The following CELF2 variants were observed in gnomAD, a reference collection of about 807,000 sequenced individuals.
CELF2 encodes CUG triplet repeat RNA-binding protein 2.
In CELF2, 8 loss-of-function variants were observed where a neutral mutation model predicts 62.6. That is an observed-to-expected ratio of 0.13 (90% CI 0.07 to 0.23). The LOEUF is 0.23. Ranked by LOEUF, CELF2 falls within the 10% of genes least tolerant of loss-of-function variation. The pLI is 1.00. For synonymous variants in CELF2, 258 were observed against 250.0 expected, an observed-to-expected ratio of 1.03 and a Z score of -0.30; for missense variants, 333 against 671.0, an observed-to-expected ratio of 0.50 and a Z score of 5.56.
the CELF2 span, among the ~76,000 whole-genome samples, chr10:10,731,818 T>A: frequency 6.6e-6 from 1 of 151,938 alleles, no homozygotes; most frequent in Admixed American, 6.6e-5. Flanking sequence ...ATTGAGAGGG[T>A]CCATAGCAAA....
intron 8 of CELF2, among the ~76,000 whole-genome samples, chr10:11,277,401 C>T (rs1442968083): frequency 1.3e-5 from 2 of 152,186 alleles, no homozygotes; most frequent in Non-Finnish European, 2.9e-5. Flanking sequence ...TCCCCAGAGC[C>T]CTTTCCTCCC....
the CELF2 span, among the ~76,000 whole-genome samples, chr10:10,481,132 G>A: frequency 1.6e-4 from 25 of 152,124 alleles, no homozygotes; most frequent in East Asian, 3.3e-3. Flanking sequence ...GTTCTTCCCC[G>A]CTCCTTCTTA....
In CELF2 at chr10:11,211,146, C is replaced by A. The variant is rs1403472166; in HGVS notation, c.272-6279C>A. On this transcript the variant is annotated intron_variant, in intron 2 of 12. Coordinates refer to ENST00000633077, the MANE Select transcript of CELF2 (RefSeq NM_001326342.2). The surrounding 1 kb of genome is among the most constrained non-coding windows in gnomAD (Gnocchi z 4.8). The stretch of plus-strand genomic sequence containing the variant: ...TTTAAAAATTAGCCTGGTGTAGTGG[C>A]ACATGCCTGCAGTCCTGGATACTCA... Among the ~76,000 whole-genome samples the A allele has an allele frequency of 6.6e-6, 1 of 152,084 alleles. No homozygotes were observed. Among genetic ancestry groups the A allele is most frequent in the African/African-American group, 2.4e-5 (1 of 41,418 alleles).
At chr10:10,578,464 A>G in the CELF2 span, among the ~76,000 whole-genome samples, 1 of 152,104 alleles carries the variant, frequency 6.6e-6, no homozygotes, top group South Asian at 2.1e-4. Context: ...GGTGTTGCTT[A>G]GGTTTTCTTC....
chr10:11,279,235 G>A (rs1234393566), intron 8 of CELF2, among the ~76,000 whole-genome samples: 2 of 152,196 alleles, frequency 1.3e-5, no homozygotes, highest in South Asian at 2.1e-4. Flanking sequence ...TCTGAGTAAA[G>A]CAAGTAGTAA....
chr10:10,875,802 A>G (rs1259991301), intron 1 of CELF2, among the ~76,000 whole-genome samples: 1 of 152,188 alleles, frequency 6.6e-6, no homozygotes, highest in Non-Finnish European at 1.5e-5. Context: ...CTCTCCATAC[A>G]TCTCTTCCCT....
At position 11,227,685 on chromosome 10, in the gene CELF2, C is replaced by A. The variant is rs2067100933; in HGVS notation, c.354+10178C>A. On this transcript the variant is annotated intron_variant, in intron 3 of 12. Coordinates refer to ENST00000633077, the MANE Select transcript of CELF2 (RefSeq NM_001326342.2). This position sits in a 1 kb window ranked among gnomAD's most constrained non-coding sequence, Gnocchi z 4.8. Reference sequence around the variant, plus strand: ...GCTCAGGCTACCTCTATCTTAGTTACAACAGTCAGAGCTCATGATGTCATG... The same window carrying A: ...GCTCAGGCTACCTCTATCTTAGTTAAAACAGTCAGAGCTCATGATGTCATG... Among the ~76,000 whole-genome samples the A allele has an allele frequency of 6.6e-6, 1 of 152,186 alleles. No homozygotes were observed. The highest frequency in any genetic ancestry group is 2.4e-5 in the African/African-American group (1 of 41,444).
chr10:10,501,639 A>T, the CELF2 span, among the ~76,000 whole-genome samples: 1 of 152,130 alleles, frequency 6.6e-6, no homozygotes, highest in Non-Finnish European at 1.5e-5. Context: ...TTATATATTT[A>T]TCTTGTATCC....
the CELF2 span, among the ~76,000 whole-genome samples, chr10:10,505,292 A>G: frequency 1.3e-5 from 2 of 151,920 alleles, no homozygotes; most frequent in Non-Finnish European, 2.9e-5. Context: ...TCTTTAACAC[A>G]TAAGTTGGGG....
chr10:10,633,550 G>A, the CELF2 span, among the ~76,000 whole-genome samples: 2 of 152,004 alleles, frequency 1.3e-5, no homozygotes, highest in Admixed American at 6.6e-5. Flanking sequence ...GACATGAGTT[G>A]CAAATATTCT....
chr10:10,504,055 A>G, the CELF2 span, among the ~76,000 whole-genome samples: 1 of 152,056 alleles, frequency 6.6e-6, no homozygotes, highest in Non-Finnish European at 1.5e-5. Context: ...TAATTGTCTT[A>G]AATATTTTTC....
the CELF2 span, among the ~76,000 whole-genome samples, chr10:10,665,961 C>A: frequency 6.6e-6 from 1 of 152,174 alleles, no homozygotes; most frequent in Non-Finnish European, 1.5e-5. Flanking sequence ...TTTCACCCAC[C>A]GTGCCAAGGC....
Position 11,246,838 on chromosome 10 carries a change from C to T in CELF2, c.355-2315C>T, listed in dbSNP as rs1413174432. On this transcript the variant is annotated intron_variant, in intron 3 of 12. Coordinates refer to ENST00000633077, the MANE Select transcript of CELF2 (RefSeq NM_001326342.2). The surrounding 1 kb of genome is among the most constrained non-coding windows in gnomAD (Gnocchi z 4.6). ...AGGAACATTCTCTGTGGCCCTGGCC[C>T]GTCTCTCGAGCCTGAGCCCCATGAT... Among the ~76,000 whole-genome samples the T allele has an allele frequency of 4.6e-5, 7 of 152,234 alleles. No homozygotes were observed. The highest frequency in any genetic ancestry group is 7.2e-5 in the African/African-American group (3 of 41,460).
At chr10:10,540,499 G>T in the CELF2 span, among the ~76,000 whole-genome samples, 1 of 152,160 alleles carries the variant, frequency 6.6e-6, no homozygotes, top group Non-Finnish European at 1.5e-5. Flanking sequence ...GAGCAAGCAG[G>T]CTTTTTTAAT....
At chr10:11,113,587 C>T (rs1028315399) in intron 1 of CELF2, among the ~76,000 whole-genome samples, 2 of 152,154 alleles carry the variant, frequency 1.3e-5, no homozygotes, top group African/African-American at 2.4e-5. Flanking sequence ...TTTAAATATA[C>T]GTGGGATACT....
intron 1 of CELF2, among the ~76,000 whole-genome samples, chr10:10,864,137 A>G (rs766846311): frequency 2.4e-4 from 36 of 152,204 alleles, no homozygotes; most frequent in Non-Finnish European, 5.0e-4. Flanking sequence ...GCTTAAAAAT[A>G]TATTACACAT....
chr10:10,573,574 A>C, the CELF2 span, among the ~76,000 whole-genome samples: 1 of 152,206 alleles, frequency 6.6e-6, no homozygotes, highest in Non-Finnish European at 1.5e-5. Flanking sequence ...AGTTCAATGA[A>C]ATAAGAGCAG....
intron 1 of CELF2, among the ~76,000 whole-genome samples, chr10:11,038,714 T>C (rs1462311932): frequency 2.0e-5 from 3 of 152,134 alleles, no homozygotes; most frequent in African/African-American, 4.8e-5. Flanking sequence ...TTACAAAAGA[T>C]GGTAGGATAA....
chr10:10,516,984 G>A, the CELF2 span, among the ~76,000 whole-genome samples: 1 of 152,196 alleles, frequency 6.6e-6, no homozygotes, highest in East Asian at 1.9e-4. Flanking sequence ...GAGAACCGTA[G>A]GATCCCACGC....
Sources: gnomAD v4.1 joint callset for allele counts (sites outside exome capture counted in the v4.1 genomes callset) on GRCh38, gnomAD v4.1.1 for gene constraint, Gnocchi (gnomAD v3.1) non-coding constraint, MANE v1.5 for transcripts, NCBI Gene and HGNC (gene_info 2026-07-23, HGNC 2026-07-21) for gene names.